PNPLA7: variants seen among roughly 807,000 people sequenced by gnomAD.
PNPLA7 encodes the protein patatin like domain 7, lysophospholipase, also known as patatin-like phospholipase domain-containing protein 7.
In PNPLA7, 153 loss-of-function variants were observed where a neutral mutation model predicts 161.7. The ratio of observed to expected loss-of-function variants is 0.95; its 90% CI spans 0.83 to 1.08. PNPLA7 has a LOEUF of 1.08. PNPLA7 is among the 50% of genes least tolerant of loss of function. PNPLA7 has a pLI of 0.00. For missense variants in PNPLA7, 1,739 were observed against 1,856.6 expected, an observed-to-expected ratio of 0.94 and a Z score of 1.16; for synonymous variants, 809 against 782.1, an observed-to-expected ratio of 1.03 and a Z score of -0.57.
At position 137,540,726 on chromosome 9, in the gene PNPLA7, C is replaced by T. The variant is rs75956365; in HGVS notation, c.667-4G>A. 0.032 allele frequency: 51,131 copies of T among 1,606,256 alleles called. 952 individuals are homozygous for T. Among genetic ancestry groups the T allele is most frequent in the Non-Finnish European group, 0.037 (43,738 of 1,176,562 alleles). On this transcript the variant is annotated splice_polypyrimidine_tract_variant and splice_region_variant and intron_variant, in intron 7 of 34. Coordinates refer to ENST00000406427, the MANE Select transcript of PNPLA7 (RefSeq NM_001098537.3). This position sits in a 1 kb window ranked among gnomAD's most constrained non-coding sequence, Gnocchi z 5.1. ...TCACCACCACCTCGGTGCCGTCCTGCGCTTGGAGAGCAGAGTGGGTGCCGT... is the reference window on the plus strand; with the variant it reads ...TCACCACCACCTCGGTGCCGTCCTGTGCTTGGAGAGCAGAGTGGGTGCCGT...
intron 11 of PNPLA7, among the ~76,000 whole-genome samples, chr9:137,518,157 G>C (rs1291348456): frequency 2.3e-5 from 1 of 43,996 alleles, no homozygotes; most frequent in Non-Finnish European, 4.5e-5. Context: ...CCCCACTCAC[G>C]CACTCACTCC....
In PNPLA7 at chr9:137,467,145, T is replaced by C. The variant is rs958296662; in HGVS notation, c.3039+172A>G. 9.9e-5 allele frequency among the ~76,000 whole-genome samples: 15 copies of C among 152,130 alleles called. No homozygotes were observed. The highest frequency in any genetic ancestry group is 3.6e-4 in the African/African-American group (15 of 41,410). ...CCACCACCAACCTGCATCTGTGCCT[T>C]CTCTGTGGTGCTCCTTTGCCTCACA... On this transcript the variant is annotated intron_variant, in intron 26 of 34. Transcript: ENST00000406427. The surrounding 1 kb of genome is among the most constrained non-coding windows in gnomAD (Gnocchi z 5.1).
At chr9:137,501,503 T>C in intron 15 of PNPLA7, 147 bp downstream of exon 15, 1 of 770,152 alleles carries the variant, frequency 1.3e-6, no homozygotes, top group East Asian at 2.7e-5. Context: ...GGGGAGGGGC[T>C]CTGCCATGGT....
rs1463902585 is a variant in PNPLA7 at position 137,541,209 on chromosome 9, G to C, written c.667-487C>G. On this transcript the variant is annotated intron_variant, in intron 7 of 34. Transcript: ENST00000406427. The surrounding 1 kb of genome is among the most constrained non-coding windows in gnomAD (Gnocchi z 4.4). ...ATGAAGTTGCCCAAATCTGGCCCCAGTCCCCTCCATGAGCCCCTCCCATCT... is the reference window on the plus strand; with the variant it reads ...ATGAAGTTGCCCAAATCTGGCCCCACTCCCCTCCATGAGCCCCTCCCATCT... Among the ~76,000 whole-genome samples the C allele has an allele frequency of 6.6e-6, 1 of 152,140 alleles. No individual in the cohort carries two copies. The highest frequency in any genetic ancestry group is 2.4e-5 in the African/African-American group (1 of 41,424).
At chr9:137,532,079 G>A (rs547918524) in intron 8 of PNPLA7, among the ~76,000 whole-genome samples, 4 of 152,164 alleles carry the variant, frequency 2.6e-5, no homozygotes, top group Admixed American at 6.5e-5. Flanking sequence ...GCTTTTTTGC[G>A]TATCTGCGGT....
At chr9:137,494,019 G>A (rs899165348) in intron 19 of PNPLA7, among the ~76,000 whole-genome samples, 3 of 152,214 alleles carry the variant, frequency 2.0e-5, no homozygotes, top group Admixed American at 2.0e-4. Context: ...GGTGGAGGGA[G>A]GGCAGTGGTG....
chr9:137,495,247 C>T, intron 18 of PNPLA7, 101 bp from the exon 19 acceptor site: 1 of 742,156 alleles, frequency 1.3e-6, no homozygotes, highest in South Asian at 1.8e-5. Context: ...CCACACATGA[C>T]ACCCCATCCA....
intron 20 of PNPLA7, among the ~76,000 whole-genome samples, chr9:137,489,473 T>G (rs984399344): frequency 6.6e-6 from 1 of 151,942 alleles, no homozygotes; most frequent in African/African-American, 2.4e-5. Flanking sequence ...CCAGGCCACA[T>G]CCATGGTGAC....
Position 137,471,550 on chromosome 9 carries a change from A to G in PNPLA7, c.2883-4077T>C, listed in dbSNP as rs549083238. ...GAGGTGGAAATTGCAGTGAGCCGAG[A>G]TCGCGCCACTGCACTCCAGCCTGGG... On this transcript the variant is annotated intron_variant, in intron 25 of 34. Coordinates refer to ENST00000406427, the MANE Select transcript of PNPLA7 (RefSeq NM_001098537.3). 2.0e-5 allele frequency among the ~76,000 whole-genome samples: 3 copies of G among 150,378 alleles called. No homozygotes were observed. In the East Asian group the frequency reaches 5.9e-4, roughly 29 times the overall value.
In PNPLA7 at chr9:137,463,542, G is replaced by A. The variant is rs1205928158; in HGVS notation, c.3227-11C>T. ...ACCACCACAGGGAGCCTGGGGAGGG[G>A]GCCCGGAGCTGCTGGTTACCCGGAG... is the stretch of plus-strand genomic sequence containing the variant. On this transcript the variant is annotated splice_polypyrimidine_tract_variant and intron_variant, in intron 28 of 34. Coordinates refer to ENST00000406427, the MANE Select transcript of PNPLA7 (RefSeq NM_001098537.3). 3.2e-6 allele frequency: 5 copies of A among 1,561,146 alleles called. No individual in the cohort carries two copies. In the Middle Eastern group the frequency reaches 5.0e-4, roughly 157 times the overall value.
rs1425819884 is a variant in PNPLA7 at position 137,499,085 on chromosome 9, G to A, written c.1758-840C>T. 6.6e-6 allele frequency among the ~76,000 whole-genome samples: 1 copy of A among 151,926 alleles called. No individual in the cohort carries two copies. The highest frequency in any genetic ancestry group is 2.4e-5 in the African/African-American group (1 of 41,350). Reference sequence around the variant, plus strand: ...CCCTGGGATGCTGGCTGGGGTGACGGCTGCAAGGCACACCATGCACGGACA... The same window carrying A: ...CCCTGGGATGCTGGCTGGGGTGACGACTGCAAGGCACACCATGCACGGACA... On this transcript the variant is annotated intron_variant, in intron 16 of 34. Coordinates refer to ENST00000406427, the MANE Select transcript of PNPLA7 (RefSeq NM_001098537.3). The surrounding 1 kb of genome is among the most constrained non-coding windows in gnomAD (Gnocchi z 5.5).
rs1313080155 is a variant in PNPLA7 at position 137,520,496 on chromosome 9, C to T, written c.958-453G>A. On this transcript the variant is annotated intron_variant, in intron 10 of 34. Transcript: ENST00000406427. The surrounding 1 kb of genome is among the most constrained non-coding windows in gnomAD (Gnocchi z 5.2). ...TTCCCTTAATGTCAACAACTGAAGA[C>T]GACAAGCCCTAAAATGTCATCAGAA... 5.3e-5 allele frequency among the ~76,000 whole-genome samples: 8 copies of T among 152,194 alleles called. No homozygotes were observed. The highest frequency in any genetic ancestry group is 1.7e-4 in the African/African-American group (7 of 41,444).
intron 12 of PNPLA7, among the ~76,000 whole-genome samples, chr9:137,514,588 G>A (rs1489412408): frequency 6.8e-6 from 1 of 148,036 alleles, no homozygotes; most frequent in Non-Finnish European, 1.5e-5. Context: ...GGCTGTGGGC[G>A]GGTCACCCGG....
In PNPLA7 at chr9:137,543,206, C is replaced by T. The variant is rs546187475; in HGVS notation, c.506+226G>A. Among the ~76,000 whole-genome samples, 57 of 152,256 alleles carry T rather than the reference C, an allele frequency of 3.7e-4. No individual in the cohort carries two copies. Among genetic ancestry groups the T allele is most frequent in the African/African-American group, 1.2e-3 (50 of 41,548 alleles). On this transcript the variant is annotated intron_variant, in intron 6 of 34. Transcript: ENST00000406427. The surrounding 1 kb of genome is among the most constrained non-coding windows in gnomAD (Gnocchi z 6.9). ...CTTCTTGCTCTTGCCCTGGGTTCAC[C>T]GCTGAAGATGAAACACCGGGAAATC... is the stretch of plus-strand genomic sequence containing the variant.
In PNPLA7 at chr9:137,540,801, A is replaced by G; in HGVS notation, c.667-79T>C. The G allele has an allele frequency of 7.4e-7, 1 of 1,353,114 alleles. No individual in the cohort carries two copies. The highest frequency in any genetic ancestry group is 1.0e-6 in the Non-Finnish European group (1 of 974,304). 83.8% of individuals were successfully genotyped at this position (1,353,114 alleles called of 1,614,324 possible). A position where few individuals can be genotyped will look rare whatever the true frequency, so the allele number is the denominator to read the frequency against. ...GCCTGGCGGAGGCTCAGCCCAGCCC[A>G]GGGCAGTGGGGCCACGGGCCTGCAC... On this transcript the variant is annotated intron_variant, in intron 7 of 34. Coordinates refer to ENST00000406427, the MANE Select transcript of PNPLA7 (RefSeq NM_001098537.3). This position sits in a 1 kb window ranked among gnomAD's most constrained non-coding sequence, Gnocchi z 5.1.
At chr9:137,534,932 GACCTTAACCCCAGCAGGGCCAAACACCAA>G (rs1835805905) in intron 8 of PNPLA7, among the ~76,000 whole-genome samples, 1 of 140,592 alleles carries the variant, frequency 7.1e-6, no homozygotes, top group African/African-American at 3.1e-5. Flanking sequence ...CCACTAATGA[GACCTTAACCCCAGCAGGGCCAAACACCAA>G]CACCAAGTCC....
chr9:137,539,807 C>T (rs1043105981), intron 8 of PNPLA7, among the ~76,000 whole-genome samples: 12 of 152,036 alleles, frequency 7.9e-5, no homozygotes, highest in African/African-American at 1.2e-4. Flanking sequence ...TTTTTTGAGA[C>T]GGAGTTTCAC....
At chr9:137,501,764 A>C (rs756412360) in intron 14 of PNPLA7, 37 bp from the exon 15 acceptor site, 1 of 1,597,970 alleles carries the variant, frequency 6.3e-7, no homozygotes, top group Non-Finnish European at 8.6e-7. Flanking sequence ...CACGGGCGGG[A>C]AGCATAAATG....
chr9:137,460,343 G>C lies in PNPLA7; in HGVS notation c.*50C>G. 1 of 1,556,902 alleles carries C rather than the reference G, an allele frequency of 6.4e-7. No individual in the cohort carries two copies. Among genetic ancestry groups the C allele is most frequent in the Non-Finnish European group, 8.8e-7 (1 of 1,138,866 alleles). ...AGGACTTGGCAGGAGCCTCAGCCTT[G>C]GGGACAGTCCCACGGAAGACGCTGC... On this transcript the variant is annotated 3_prime_UTR_variant, in exon 35 of 35. Transcript: ENST00000406427.
Sources: gnomAD v4.1 joint callset for allele counts (sites outside exome capture counted in the v4.1 genomes callset) on GRCh38, gnomAD v4.1.1 for gene constraint, Gnocchi (gnomAD v3.1) non-coding constraint, MANE v1.5 for transcripts, NCBI Gene and HGNC (gene_info 2026-07-23, HGNC 2026-07-21) for gene names.